SCAMP4: variants seen among roughly 807,000 people sequenced by gnomAD.
The protein encoded by SCAMP4 is secretory carrier membrane protein 4.
SCAMP4 carries 19 observed loss-of-function variants against 32.1 expected under a neutral mutation model. The ratio of observed to expected loss-of-function variants is 0.59; its 90% CI spans 0.41 to 0.87. The LOEUF (loss-of-function observed/expected upper bound fraction) is 0.87. SCAMP4 is among the 40% of genes least tolerant of loss of function. SCAMP4 has a pLI of 0.00. For missense variants in SCAMP4, 302 were observed against 309.0 expected (o/e 0.98, Z 0.17); for synonymous variants, 152 against 132.7 (o/e 1.15, Z -1.00).
chr19:1,912,952 T>G, intron 1 of SCAMP4: 1 of 1,610,346 alleles, frequency 6.2e-7, no homozygotes, highest in Non-Finnish European at 8.5e-7. Flanking sequence ...GACCTGTACG[T>G]GACCCGCGAG....
Position 1,908,624 on chromosome 19 carries a change from G to GT in SCAMP4, c.-42+3186dup, listed in dbSNP as rs2013269127. The GT allele has an allele frequency of 2.1e-6, 1 of 469,628 alleles. No homozygotes were observed. Among genetic ancestry groups the GT allele is most frequent in the African/African-American group, 2.0e-5 (1 of 50,046 alleles). 29.1% of individuals were successfully genotyped at this position (469,628 alleles called of 1,614,324 possible). A position where few individuals can be genotyped will look rare whatever the true frequency, so the allele number is the denominator to read the frequency against. ...GCAGTACTGTCTGCTAGAAATAACT[G>GT]TGAGCACACAGGTAGTAAGGTTTTT... On this transcript the variant is annotated intron_variant, in intron 1 of 6. Transcript: ENST00000316097. This position sits in a 1 kb window ranked among gnomAD's most constrained non-coding sequence, Gnocchi z 4.2.
At chr19:1,911,727 G>T (rs1176253990) in intron 1 of SCAMP4, among the ~76,000 whole-genome samples, 9 of 152,156 alleles carry the variant, frequency 5.9e-5, no homozygotes, top group Non-Finnish European at 1.0e-4. Context: ...AGGTTGCAGT[G>T]AGCTGAGATC....
At chr19:1,912,363 C>T (rs1055415692) in intron 1 of SCAMP4, 3 of 1,527,012 alleles carry the variant, frequency 2.0e-6, no homozygotes, top group Admixed American at 2.0e-5. Context: ...CCCCCACGCC[C>T]TGGAGATGCT....
In SCAMP4 at chr19:1,912,893, T is replaced by A. The variant is rs369238135; in HGVS notation, c.-41-2086T>A. ...AGGCCGTCCGCGCAGGCGCCGTGCG[T>A]AAACTGGACGCAGACGAGGACGGCC... is the stretch of plus-strand genomic sequence containing the variant. On this transcript the variant is annotated intron_variant, in intron 1 of 6. Transcript: ENST00000316097. 1.9e-5 allele frequency: 31 copies of A among 1,606,698 alleles called. No homozygotes were observed. In the African/African-American group the frequency reaches 3.1e-4, roughly 16 times the overall value.
intron 1 of SCAMP4, among the ~76,000 whole-genome samples, chr19:1,914,099 C>T (rs1424510038): frequency 2.6e-5 from 4 of 152,136 alleles, no homozygotes; most frequent in Admixed American, 2.0e-4. Flanking sequence ...GCCGCAGAGG[C>T]GTGCCCAGTT....
intron 4 of SCAMP4, 66 bp from the exon 5 acceptor site, chr19:1,918,823 C>T (rs1226403972): frequency 6.4e-7 from 1 of 1,553,286 alleles, no homozygotes; most frequent in East Asian, 2.4e-5. Flanking sequence ...CTGGCCCGTT[C>T]CTCTCTAGGC....
intron 1 of SCAMP4, chr19:1,906,915 CA>C (rs2013154462): frequency 1.6e-5 from 2 of 126,808 alleles, no homozygotes; most frequent in African/African-American, 6.3e-5. Flanking sequence ...AGGCTGGGCG[CA>C]GTGGCTCACG....
intron 2 of SCAMP4, among the ~76,000 whole-genome samples, chr19:1,916,457 G>A (rs1338265648): frequency 6.6e-6 from 1 of 152,082 alleles, no homozygotes; most frequent in African/African-American, 2.4e-5. Context: ...ATAAATATTT[G>A]TTGTGTTCTT....
rs1013059721 is a variant in SCAMP4, at chr19:1,923,816, A to G, written c.514-292A>G. ...TTGTTTTTGTATTTTTGGTAGAGAC[A>G]GGTTTTCACCGTGTTAGCCAGGATG... On this transcript the variant is annotated intron_variant, in intron 6 of 6. Coordinates refer to ENST00000316097, the MANE Select transcript of SCAMP4 (RefSeq NM_079834.4). Among the ~76,000 whole-genome samples the G allele has an allele frequency of 2.4e-3, 306 of 129,580 alleles. 5 individuals are homozygous for G. The highest frequency in any genetic ancestry group is 1.5e-3 in the Non-Finnish European group (92 of 62,848). The allele number at this position is 129,580 out of a possible 152,430, so 85.0% of individuals were successfully genotyped here.
At chr19:1,907,687 G>T (rs1030899300) in intron 1 of SCAMP4, among the ~76,000 whole-genome samples, 5 of 152,172 alleles carry the variant, frequency 3.3e-5, no homozygotes, top group African/African-American at 1.2e-4. Flanking sequence ...CCGGTTCCCA[G>T]CCCAGGCTGG....
intron 1 of SCAMP4, chr19:1,913,144 A>C: frequency 1.9e-6 from 3 of 1,550,088 alleles, no homozygotes; most frequent in Non-Finnish European, 2.6e-6. Flanking sequence ...CTGGACCCCG[A>C]CACGTAGGCG....
At chr19:1,920,364 C>G in intron 5 of SCAMP4, 1 of 928,474 alleles carries the variant, frequency 1.1e-6, no homozygotes, top group South Asian at 5.0e-5. Context: ...AGATCAGAAT[C>G]CAGATAAGGT....
At chr19:1,912,701 G>C in intron 1 of SCAMP4, 3 of 1,488,800 alleles carry the variant, frequency 2.0e-6, no homozygotes, top group Non-Finnish European at 2.7e-6. Context: ...TAGTGGACCC[G>C]GCCTCGGACC....
At chr19:1,917,516 G>T (rs940531102) in intron 2 of SCAMP4, among the ~76,000 whole-genome samples, 178 bp from the exon 3 acceptor site, 3 of 151,928 alleles carry the variant, frequency 2.0e-5, no homozygotes, top group African/African-American at 7.3e-5. Flanking sequence ...CCACCCTCCC[G>T]TCTCCTCTCG....
At chr19:1,913,714 T>C (rs571109076) in intron 1 of SCAMP4, among the ~76,000 whole-genome samples, 1 of 152,278 alleles carries the variant, frequency 6.6e-6, no homozygotes, top group Admixed American at 6.5e-5. Context: ...GGCCCTGGGA[T>C]TTCGTGTCCT....
At chr19:1,922,877 G>A (rs771527990) in intron 5 of SCAMP4, 193 bp from the exon 6 acceptor site, 1 of 1,329,274 alleles carries the variant, frequency 7.5e-7, no homozygotes, top group South Asian at 2.0e-5. Flanking sequence ...GAGGGATAAG[G>A]TCGTATTCAC....
intron 1 of SCAMP4, chr19:1,911,859 C>G (rs2013467218): frequency 1.8e-6 from 1 of 556,672 alleles, no homozygotes; most frequent in Non-Finnish European, 2.8e-6. Context: ...TTTTTAAAAA[C>G]CAATGGCTGT....
At position 1,922,914 on chromosome 19, in the gene SCAMP4, C is replaced by T. The variant is rs368682031; in HGVS notation, c.396-156C>T. 4.3e-4 allele frequency: 585 copies of T among 1,348,268 alleles called. 1 individual carries two copies. The highest frequency in any genetic ancestry group is 1.4e-3 in the Middle Eastern group (5 of 3,626). 83.5% of individuals were successfully genotyped at this position (1,348,268 alleles called of 1,614,324 possible). On this transcript the variant is annotated intron_variant, in intron 5 of 6. Coordinates refer to ENST00000316097, the MANE Select transcript of SCAMP4 (RefSeq NM_079834.4). ...CGTTGAAGTTGGTGCCTCTCAGTAT[C>T]GCTTTATGTTTGTTGGCCACTTGGT...
At chr19:1,906,866 T>C (rs867401310) in intron 1 of SCAMP4, 1 of 130,084 alleles carries the variant, frequency 7.7e-6, no homozygotes, top group Non-Finnish European at 1.6e-5. Context: ...AAAAAAAAAA[T>C]TGTGTGTGTG....
Sources: allele counts gnomAD v4.1 joint callset (sites outside exome capture counted in the v4.1 genomes callset), GRCh38; gene constraint gnomAD v4.1.1; non-coding constraint Gnocchi (gnomAD v3.1); transcripts MANE v1.5; gene names NCBI Gene and HGNC (gene_info 2026-07-23, HGNC 2026-07-21).